The following IQSEC1 variants were observed in gnomAD, a reference collection of about 807,000 sequenced individuals.
The protein encoded by IQSEC1 is IQ motif and SEC7 domain-containing protein 1.
Under a neutral mutation model 91.0 loss-of-function variants are expected in IQSEC1, and 31 were observed. The ratio of observed to expected loss-of-function variants is 0.34; its 90% CI spans 0.26 to 0.46. The LOEUF is 0.46. Ranked by LOEUF, IQSEC1 falls within the 20% of genes least tolerant of loss-of-function variation. The pLI is 1.00. For synonymous variants in IQSEC1, 699 were observed against 662.6 expected, an observed-to-expected ratio of 1.05 and a Z score of -0.84; for missense variants, 1,388 against 1,575.6, an observed-to-expected ratio of 0.88 and a Z score of 2.02.
chr3:12,962,745 C>A (rs1255785918), intron 1 of IQSEC1, among the ~76,000 whole-genome samples: 1 of 152,252 alleles, frequency 6.6e-6, no homozygotes, highest in Non-Finnish European at 1.5e-5. Flanking sequence ...CCCTCAAGAG[C>A]CTGCAAGTGC....
chr3:12,919,236 C>T (rs1371056242), intron 6 of IQSEC1, among the ~76,000 whole-genome samples: 1 of 152,240 alleles, frequency 6.6e-6, no homozygotes, highest in Non-Finnish European at 1.5e-5. Context: ...ACTTGATGGA[C>T]TTGGGGCCTG....
At chr3:13,015,059 G>C (rs1703055762) in intron 1 of IQSEC1, among the ~76,000 whole-genome samples, 1 of 152,174 alleles carries the variant, frequency 6.6e-6, no homozygotes, top group Non-Finnish European at 1.5e-5. Context: ...AGGGTTGAGG[G>C]GGGCAGCAGT....
chr3:13,073,431 G>A (rs1450342872), upstream of IQSEC1, among the ~76,000 whole-genome samples: 1 of 152,118 alleles, frequency 6.6e-6, no homozygotes, highest in Admixed American at 6.5e-5. Flanking sequence ...GCAGCATCCG[G>A]AGAAGGGGCG....
At chr3:13,046,983 T>C (rs1026620551) in intron 1 of IQSEC1, among the ~76,000 whole-genome samples, 4 of 152,102 alleles carry the variant, frequency 2.6e-5, no homozygotes, top group Admixed American at 1.3e-4. Flanking sequence ...AAACAGAAAA[T>C]GCTCTTTTTG....
chr3:13,273,627 C>G (rs1695624983), intron 1 of IQSEC1, among the ~76,000 whole-genome samples: 1 of 152,186 alleles, frequency 6.6e-6, no homozygotes, highest in Non-Finnish European at 1.5e-5. Flanking sequence ...GCAGCCTCTG[C>G]CCAGGATCCC....
intron 1 of IQSEC1, among the ~76,000 whole-genome samples, chr3:13,072,729 G>A (rs1415679105): frequency 6.6e-6 from 1 of 152,230 alleles, no homozygotes; most frequent in Non-Finnish European, 1.5e-5. Flanking sequence ...ATCTGGGAGG[G>A]GGGATACCTG....
intron 2 of IQSEC1, among the ~76,000 whole-genome samples, chr3:13,081,148 C>T (rs542808658): frequency 1.3e-5 from 2 of 152,316 alleles, no homozygotes; most frequent in South Asian, 2.1e-4. Context: ...AATATAACAG[C>T]GTGTCCATAA....
intron 1 of IQSEC1, among the ~76,000 whole-genome samples, chr3:12,942,823 G>C (rs185287173): frequency 1.5e-4 from 23 of 152,306 alleles, no homozygotes; most frequent in African/African-American, 5.3e-4. Context: ...TGTCTTTGTA[G>C]GCAGAGATGA....
At chr3:13,210,167 G>C (rs1694418627) in intron 1 of IQSEC1, among the ~76,000 whole-genome samples, 1 of 152,166 alleles carries the variant, frequency 6.6e-6, no homozygotes, top group Non-Finnish European at 1.5e-5. Flanking sequence ...AACGCACCAG[G>C]ATTTTAATCC....
At chr3:12,942,909 G>A (rs1379925531) in intron 1 of IQSEC1, among the ~76,000 whole-genome samples, 1 of 152,218 alleles carries the variant, frequency 6.6e-6, no homozygotes, top group East Asian at 1.9e-4. Context: ...CAAGGAGAGG[G>A]GCCATGGGGG....
At chr3:13,110,390 A>T (rs1706223666) in intron 2 of IQSEC1, among the ~76,000 whole-genome samples, 1 of 151,868 alleles carries the variant, frequency 6.6e-6, no homozygotes, top group African/African-American at 2.4e-5. Flanking sequence ...GGAGATCGAG[A>T]CCACCTTAGC....
At chr3:13,042,403 C>G (rs1336967380) in intron 1 of IQSEC1, 3 of 152,256 alleles carry the variant, frequency 2.0e-5, no homozygotes, top group African/African-American at 7.2e-5. Flanking sequence ...GGTAACGTCT[C>G]CGCGGAGACA....
chr3:12,898,578 T>TC lies in IQSEC1; in HGVS notation c.*2404dup, dbSNP rs1693879689. ...GCCCCTCCTGGGGTTTTCTGTCTGTTCCTATTCATTACTGCTACCCTTCAG... is the reference window on the plus strand; with the variant it reads ...GCCCCTCCTGGGGTTTTCTGTCTGTTCCCTATTCATTACTGCTACCCTTCAG... On this transcript the variant is annotated 3_prime_UTR_variant, in exon 14 of 14. Transcript: ENST00000613206. 2 of 152,074 alleles carry TC rather than the reference T, an allele frequency of 1.3e-5. No homozygotes were observed. Among genetic ancestry groups the TC allele is most frequent in the Non-Finnish European group, 2.9e-5 (2 of 68,024 alleles). The allele number at this position is 152,074 out of a possible 1,614,324, so 9.4% of individuals were successfully genotyped here. A position where few individuals can be genotyped will look rare whatever the true frequency, so the allele number is the denominator to read the frequency against.
chr3:13,144,140 C>A (rs765423059), intron 2 of IQSEC1, among the ~76,000 whole-genome samples: 3 of 152,206 alleles, frequency 2.0e-5, no homozygotes, highest in Non-Finnish European at 4.4e-5. Context: ...GGGCCACTCA[C>A]GGTACCCAAA....
intron 2 of IQSEC1, among the ~76,000 whole-genome samples, chr3:13,142,028 C>T (rs752721579): frequency 3.9e-4 from 59 of 152,192 alleles, no homozygotes; most frequent in Non-Finnish European, 7.5e-4. Flanking sequence ...CCCAGATCCT[C>T]CCCTGTCTGA....
At chr3:13,126,815 A>G (rs1303332914) in intron 2 of IQSEC1, among the ~76,000 whole-genome samples, 1 of 152,232 alleles carries the variant, frequency 6.6e-6, no homozygotes, top group Non-Finnish European at 1.5e-5. Context: ...TTGCAGGGCA[A>G]AAGTTTTCAA....
intron 1 of IQSEC1, among the ~76,000 whole-genome samples, chr3:13,260,923 G>A (rs1015085377): frequency 1.3e-5 from 2 of 152,210 alleles, no homozygotes; most frequent in African/African-American, 4.8e-5. Flanking sequence ...GCAGTGCAGA[G>A]GCCACCCAGC....
intron 1 of IQSEC1, among the ~76,000 whole-genome samples, chr3:13,065,116 G>C (rs1705190900): frequency 6.6e-6 from 1 of 152,244 alleles, no homozygotes; most frequent in South Asian, 2.1e-4. Flanking sequence ...GCTGGCCAGG[G>C]CTTCCCATGG....
At chr3:12,947,435 C>T (rs1238707325) in intron 1 of IQSEC1, among the ~76,000 whole-genome samples, 1 of 151,826 alleles carries the variant, frequency 6.6e-6, no homozygotes, top group African/African-American at 2.4e-5. Context: ...ACCCCACTTC[C>T]TCCACAAGGC....
Sources: gnomAD v4.1 joint callset for allele counts (sites outside exome capture counted in the v4.1 genomes callset) on GRCh38, gnomAD v4.1.1 for gene constraint, MANE v1.5 for transcripts, NCBI Gene and HGNC (gene_info 2026-07-23, HGNC 2026-07-21) for gene names.